Variants in HPGDS observed in about 807,000 individuals in gnomAD.
The protein encoded by HPGDS is hematopoietic prostaglandin D synthase.
Under a neutral mutation model 23.1 loss-of-function variants are expected in HPGDS, and 26 were observed. The ratio of observed to expected loss-of-function variants is 1.13; its 90% CI spans 0.83 to 1.56. The LOEUF is 1.56. Ranked by LOEUF, HPGDS falls within the 40% of genes most tolerant of loss-of-function variation. The pLI, the probability that HPGDS is intolerant of heterozygous loss-of-function variation, is 0.00. For missense variants in HPGDS, 268 were observed against 236.4 expected, an observed-to-expected ratio of 1.13 and a Z score of -0.88; for synonymous variants, 95 against 77.9, an observed-to-expected ratio of 1.22 and a Z score of -1.16.
In HPGDS at chr4:94,319,375, T is replaced by A. The variant is rs116118276; in HGVS notation, c.134-1410A>T. Reference sequence around the variant, plus strand: ...TTCCTGTTTTTATGGAATATTTTTTTCCATTCCTTCATTTTTAGTCTATGT... The same window carrying A: ...TTCCTGTTTTTATGGAATATTTTTTACCATTCCTTCATTTTTAGTCTATGT... On this transcript the variant is annotated intron_variant, in intron 2 of 5. Coordinates refer to ENST00000295256, the MANE Select transcript of HPGDS (RefSeq NM_014485.3). 6.1e-3 allele frequency among the ~76,000 whole-genome samples: 934 copies of A among 152,342 alleles called. 13 individuals carry two copies. The highest frequency in any genetic ancestry group is 0.021 in the African/African-American group (889 of 41,580).
chr4:94,313,932 G>A (rs1309214931), intron 3 of HPGDS, among the ~76,000 whole-genome samples: 1 of 152,132 alleles, frequency 6.6e-6, no homozygotes, highest in Non-Finnish European at 1.5e-5. Flanking sequence ...GATCAAACCA[G>A]CTACTGAAGC....
At chr4:94,316,736 C>A (rs1756405713) in intron 3 of HPGDS, among the ~76,000 whole-genome samples, 1 of 152,236 alleles carries the variant, frequency 6.6e-6, no homozygotes, top group African/African-American at 2.4e-5. Context: ...CATGGACCAC[C>A]TGCATCATCT....
chr4:94,310,960 T>C (rs1175549685), intron 3 of HPGDS, among the ~76,000 whole-genome samples: 7 of 151,834 alleles, frequency 4.6e-5, no homozygotes, highest in Non-Finnish European at 1.0e-4. Context: ...TGTATAAGAA[T>C]ACTTGTGATT....
At chr4:94,327,179 C>T (rs759042794) in intron 2 of HPGDS, among the ~76,000 whole-genome samples, 2 of 151,980 alleles carry the variant, frequency 1.3e-5, no homozygotes, top group Non-Finnish European at 2.9e-5. Flanking sequence ...GATCCAGCCC[C>T]CCAGACAATG....
At chr4:94,309,495 T>C (rs940725026) in intron 3 of HPGDS, among the ~76,000 whole-genome samples, 5 of 152,270 alleles carry the variant, frequency 3.3e-5, no homozygotes, top group African/African-American at 1.2e-4. Flanking sequence ...TTCCATGGTG[T>C]ATATGTGCCA....
chr4:94,321,979 G>C (rs1402535317), intron 2 of HPGDS, among the ~76,000 whole-genome samples: 1 of 152,198 alleles, frequency 6.6e-6, no homozygotes, highest in African/African-American at 2.4e-5. Context: ...ATGAAGGGCT[G>C]TTGAATTTTG....
intron 3 of HPGDS, among the ~76,000 whole-genome samples, chr4:94,308,982 C>T (rs1252353329): frequency 6.8e-6 from 1 of 147,478 alleles, no homozygotes; most frequent in Non-Finnish European, 1.5e-5. Flanking sequence ...ATATATCCCA[C>T]TAGATATGCT....
intron 1 of HPGDS, among the ~76,000 whole-genome samples, chr4:94,337,784 A>T (rs1489985835): frequency 1.3e-5 from 2 of 152,244 alleles, no homozygotes; most frequent in East Asian, 3.8e-4. Flanking sequence ...CTGCATGAAA[A>T]CAAAGTGATT....
chr4:94,313,329 C>A (rs1222495297), intron 3 of HPGDS, among the ~76,000 whole-genome samples: 17 of 152,100 alleles, frequency 1.1e-4, no homozygotes, highest in Admixed American at 1.1e-3. Context: ...GTAGGGCAGG[C>A]CTAATGGTGA....
chr4:94,301,862 C>T (rs905769680), intron 5 of HPGDS, among the ~76,000 whole-genome samples: 89 of 152,112 alleles, frequency 5.9e-4, no homozygotes, highest in African/African-American at 2.0e-3. Context: ...CATATGTATT[C>T]TGTGTGTTCT....
At chr4:94,330,161 T>C (rs368882863) in intron 2 of HPGDS, among the ~76,000 whole-genome samples, 10 of 152,172 alleles carry the variant, frequency 6.6e-5, no homozygotes, top group Non-Finnish European at 1.3e-4. Flanking sequence ...GGAAGAAAAC[T>C]TAATTGTCCT....
At chr4:94,301,507 C>G (rs1187598164) in intron 5 of HPGDS, among the ~76,000 whole-genome samples, 3 of 152,084 alleles carry the variant, frequency 2.0e-5, no homozygotes, top group Non-Finnish European at 4.4e-5. Flanking sequence ...CATAATTTAT[C>G]CTGATATAAA....
chr4:94,317,841 A>C, intron 3 of HPGDS, 32 bp downstream of exon 3: 1 of 1,259,564 alleles, frequency 7.9e-7, no homozygotes. Flanking sequence ...TGTTTCAGTT[A>C]TCAAAAATCT....
intron 4 of HPGDS, 81 bp downstream of exon 4, chr4:94,308,553 A>T (rs1344721101): frequency 3.0e-6 from 2 of 661,718 alleles, no homozygotes; most frequent in African/African-American, 1.8e-5. Context: ...TTTGATATTA[A>T]GGAACTTTCT....
chr4:94,319,474 C>T (rs888851690), intron 2 of HPGDS, among the ~76,000 whole-genome samples: 6 of 152,082 alleles, frequency 3.9e-5, no homozygotes, highest in African/African-American at 9.7e-5. Flanking sequence ...GATTCAGCCA[C>T]TTTGTATCTT....
At chr4:94,337,315 G>A (rs1055900894) in intron 1 of HPGDS, among the ~76,000 whole-genome samples, 1 of 151,668 alleles carries the variant, frequency 6.6e-6, no homozygotes, top group South Asian at 2.1e-4. Context: ...CTTTTTATTG[G>A]TTTTGTTGGC....
In HPGDS at chr4:94,326,557, A is replaced by AT. The variant is rs374198904; in HGVS notation, c.133+7939dup. Among the ~76,000 whole-genome samples the AT allele has an allele frequency of 9.0e-3, 1,370 of 151,910 alleles. 24 individuals carry two copies. Among genetic ancestry groups the AT allele is most frequent in the African/African-American group, 0.031 (1,273 of 41,446 alleles). On this transcript the variant is annotated intron_variant, in intron 2 of 5. Coordinates refer to ENST00000295256, the MANE Select transcript of HPGDS (RefSeq NM_014485.3). The stretch of plus-strand genomic sequence containing the variant: ...ATTCTTTAGCTCCAGAATTGTTTGG[A>AT]TTTTTTTTATAATATCTATCTGTTA...
chr4:94,324,280 G>A (rs998339210), intron 2 of HPGDS, among the ~76,000 whole-genome samples: 1 of 152,226 alleles, frequency 6.6e-6, no homozygotes, highest in African/African-American at 2.4e-5. Flanking sequence ...GGTGTTCTCT[G>A]TATTTCCTGA....
At position 94,299,282 on chromosome 4, in the gene HPGDS, A is replaced by T. The variant is rs1755983955; in HGVS notation, c.*198T>A. ...TTTTTCTGTAATTGTAAATGATGAG[A>T]AGCTATTCTGAAAGAAAAAGATACT... On this transcript the variant is annotated 3_prime_UTR_variant, in exon 6 of 6. Transcript: ENST00000295256. The T allele has an allele frequency of 2.0e-6, 1 of 508,912 alleles. No homozygotes were observed. The allele number at this position is 508,912 out of a possible 1,614,324, so 31.5% of individuals were successfully genotyped here. A position where few individuals can be genotyped will look rare whatever the true frequency, so the allele number is the denominator to read the frequency against.
Sources: allele counts gnomAD v4.1 joint callset (sites outside exome capture counted in the v4.1 genomes callset), GRCh38; gene constraint gnomAD v4.1.1; transcripts MANE v1.5; gene names NCBI Gene and HGNC (gene_info 2026-07-23, HGNC 2026-07-21).